Variants in DHX30 observed in about 807,000 individuals in gnomAD.
DHX30 encodes the protein DExH-box helicase 30, also known as ATP-dependent RNA helicase DHX30.
DHX30 carries 4 observed loss-of-function variants against 116.9 expected under a neutral mutation model. The observed-to-expected ratio is 0.03, with a 90% CI of 0.02 to 0.08. The LOEUF is 0.08. DHX30 is among the 10% of genes least tolerant of loss of function. DHX30 has a pLI of 1.00. For missense variants in DHX30, 871 were observed against 1,595.1 expected, an observed-to-expected ratio of 0.55 and a Z score of 7.73; for synonymous variants, 697 against 651.7, an observed-to-expected ratio of 1.07 and a Z score of -1.06.
intron 3 of DHX30, chr3:47,816,096 A>G: frequency 4.1e-6 from 4 of 985,372 alleles, no homozygotes; most frequent in Admixed American, 6.1e-5. Context: ...TTAGTTCTAG[A>G]AGATCCTACA....
At position 47,846,269 on chromosome 3, in the gene DHX30, C is replaced by T. The variant is rs2037602401; in HGVS notation, c.1197C>T (p.Gly399=). The change falls in exon 11 of 22, where the codon GGC becomes GGT. Residue 399 remains glycine (G), a synonymous_variant. Coordinates refer to ENST00000445061, the MANE Select transcript of DHX30 (RefSeq NM_138615.3). ...DSGPLSDPIT[G]KPYVPLLEAE... Reference sequence around the variant, plus strand: ...GGCCTCTGAGTGACCCTATCACAGGCAAGCCCTATGTGCCCCTGTTGGAAG... The same window carrying T: ...GGCCTCTGAGTGACCCTATCACAGGTAAGCCCTATGTGCCCCTGTTGGAAG... 1.2e-6 allele frequency: 2 copies of T among 1,614,126 alleles called. No individual in the cohort carries two copies. The highest frequency in any genetic ancestry group is 8.5e-7 in the Non-Finnish European group (1 of 1,180,058).
At chr3:47,831,542 T>C (rs2036848969) in intron 6 of DHX30, among the ~76,000 whole-genome samples, 2 of 152,186 alleles carry the variant, frequency 1.3e-5, no homozygotes, top group African/African-American at 2.4e-5. Context: ...TCTGGTTCTT[T>C]TCTATAGGCC....
intron 3 of DHX30, chr3:47,816,410 T>G (rs1222039880): frequency 3.1e-6 from 3 of 974,616 alleles, no homozygotes; most frequent in African/African-American, 3.8e-5. Flanking sequence ...CAGGCTGGAG[T>G]GCAATGGCGC....
chr3:47,841,952 G>C (rs1036899613), intron 8 of DHX30: 5 of 614,610 alleles, frequency 8.1e-6, no homozygotes, highest in Non-Finnish European at 1.4e-5. Flanking sequence ...GGGGCCGCAA[G>C]AGCAGAAGAC....
rs1482988335 is a variant in DHX30 at position 47,848,894 on chromosome 3, C to T, written c.2770-26C>T. 6.3e-7 allele frequency: 1 copy of T among 1,595,298 alleles called. No homozygotes were observed. Among genetic ancestry groups the T allele is most frequent in the Non-Finnish European group, 8.6e-7 (1 of 1,166,794 alleles). ...GCGTTGTCTAGCCCCTGCCTGTGAT[C>T]CGGCTGCCCTCTTCTCCCCTCCCAG... is the stretch of plus-strand genomic sequence containing the variant. On this transcript the variant is annotated intron_variant, in intron 17 of 21. Coordinates refer to ENST00000445061, the MANE Select transcript of DHX30 (RefSeq NM_138615.3). The surrounding 1 kb of genome is among the most constrained non-coding windows in gnomAD (Gnocchi z 9.4).
chr3:47,827,215 A>G, intron 4 of DHX30, 132 bp from the exon 5 acceptor site: 1 of 829,264 alleles, frequency 1.2e-6, no homozygotes, highest in Non-Finnish European at 1.8e-6. Context: ...TTCTTTTCCA[A>G]GATGCTCCTG....
intron 6 of DHX30, among the ~76,000 whole-genome samples, chr3:47,833,014 G>A (rs2036933903): frequency 1.3e-5 from 2 of 149,324 alleles, no homozygotes; most frequent in Middle Eastern, 3.4e-3. Context: ...TGAACTTCTG[G>A]GCTCCAGTTA....
At chr3:47,816,818 GA>G in intron 3 of DHX30, 1 of 985,218 alleles carries the variant, frequency 1.0e-6, no homozygotes, top group Non-Finnish European at 1.2e-6. Flanking sequence ...ATTTTGTTGT[GA>G]AAAATTTCAA....
intron 21 of DHX30, 21 bp from the exon 22 acceptor site, chr3:47,849,846 C>CCAT (rs777111900): frequency 6.9e-5 from 111 of 1,610,878 alleles, no homozygotes; most frequent in Admixed American, 1.0e-4. Context: ...CAGTTCCCCA[C>CCAT]CATCTTTTCC....
intron 6 of DHX30, among the ~76,000 whole-genome samples, chr3:47,838,500 C>T (rs568739081): frequency 6.6e-6 from 1 of 152,176 alleles, no homozygotes; most frequent in African/African-American, 2.4e-5. Context: ...GTTTTTGTTA[C>T]TGTTGTGAAT....
intron 8 of DHX30, 26 bp from the exon 9 acceptor site, chr3:47,843,080 A>T (rs770405857): frequency 6.2e-7 from 1 of 1,612,088 alleles, no homozygotes; most frequent in South Asian, 1.1e-5. Flanking sequence ...ACATTTCTGT[A>T]ACCATCTCTC....
chr3:47,819,133 T>G, intron 4 of DHX30: 3 of 1,015,044 alleles, frequency 3.0e-6, no homozygotes, highest in Non-Finnish European at 4.2e-6. Flanking sequence ...CCCCTGACCA[T>G]TTGACTTAGG....
At position 47,849,558 on chromosome 3, in the gene DHX30, A is replaced by G; in HGVS notation, c.3191+4A>G. ...TGCACAAGTCGACCATTAACAGGTGAGGGCATGCAGGCCTGGATGGGGCAG... is the reference window on the plus strand; with the variant it reads ...TGCACAAGTCGACCATTAACAGGTGGGGGCATGCAGGCCTGGATGGGGCAG... On this transcript the variant is annotated splice_donor_region_variant and intron_variant, in intron 20 of 21. Transcript: ENST00000445061. The G allele has an allele frequency of 6.2e-7, 1 of 1,612,578 alleles. No individual in the cohort carries two copies.
At position 47,847,622 on chromosome 3, in the gene DHX30, G is replaced by T. The variant is rs1236964361; in HGVS notation, c.2110+86G>T. 3 of 1,465,492 alleles carry T rather than the reference G, an allele frequency of 2.0e-6. No individual in the cohort carries two copies. The highest frequency in any genetic ancestry group is 2.7e-6 in the Non-Finnish European group (3 of 1,094,852). The allele number at this position is 1,465,492 out of a possible 1,614,324, so 90.8% of individuals were successfully genotyped here. A position where few individuals can be genotyped will look rare whatever the true frequency, so the allele number is the denominator to read the frequency against. ...GACTGACCCAACTGGGACTCCAGGG[G>T]CCCCGGTTTCTGACCAAGCTGTGGC... is the stretch of plus-strand genomic sequence containing the variant. On this transcript the variant is annotated intron_variant, in intron 13 of 21. Transcript: ENST00000445061. The surrounding 1 kb of genome is among the most constrained non-coding windows in gnomAD (Gnocchi z 5.5).
chr3:47,845,617 A>G, intron 9 of DHX30, 83 bp from the exon 10 acceptor site: 1 of 1,383,590 alleles, frequency 7.2e-7, no homozygotes, highest in Non-Finnish European at 9.5e-7. Flanking sequence ...GGCACAACTT[A>G]TGCGTTGGAG....
At chr3:47,805,220 T>C in intron 1 of DHX30, 106 bp from the exon 2 acceptor site, 2 of 396,828 alleles carry the variant, frequency 5.0e-6, no homozygotes, top group African/African-American at 2.1e-5. Context: ...GTGCCCTTCA[T>C]GCCACTAACA....
chr3:47,819,366 G>A (rs771180387), intron 4 of DHX30: 74 of 1,095,376 alleles, frequency 6.8e-5, no homozygotes, highest in Middle Eastern at 2.3e-4. Context: ...TTGAGCACAC[G>A]CGGAGGAGAA....
At chr3:47,808,694 G>GCC (rs1271008528) in intron 2 of DHX30, among the ~76,000 whole-genome samples, 2 of 151,168 alleles carry the variant, frequency 1.3e-5, no homozygotes, top group African/African-American at 2.4e-5. Context: ...TCCTGCCTCA[G>GCC]TCCCCTGAGT....
In DHX30 at chr3:47,810,724, C is replaced by A; in HGVS notation, c.28+13C>A. On this transcript the variant is annotated intron_variant, in intron 3 of 21. Coordinates refer to ENST00000445061, the MANE Select transcript of DHX30 (RefSeq NM_138615.3). ...TCATTCAGAAAAGGTAAGACTGCAA[C>A]TGTGCTTGTGACCTCATGCCCTTCC... 1.2e-6 allele frequency: 2 copies of A among 1,613,856 alleles called. No homozygotes were observed. The highest frequency in any genetic ancestry group is 1.1e-5 in the South Asian group (1 of 91,080).
Sources: allele counts gnomAD v4.1 joint callset (sites outside exome capture counted in the v4.1 genomes callset), GRCh38; gene constraint gnomAD v4.1.1; non-coding constraint Gnocchi (gnomAD v3.1); transcripts MANE v1.5; gene names NCBI Gene and HGNC (gene_info 2026-07-23, HGNC 2026-07-21).